SMAD9: variants seen among roughly 807,000 people sequenced by gnomAD.
The protein encoded by SMAD9 is MAD homolog 9.
Under a neutral mutation model 46.1 loss-of-function variants are expected in SMAD9, and 36 were observed. The ratio of observed to expected loss-of-function variants is 0.78; its 90% CI spans 0.60 to 1.03. The LOEUF is 1.03. Among genes scored for constraint, SMAD9 ranks in the 50% least tolerant of loss-of-function variants. SMAD9 has a pLI of 0.00. For missense variants in SMAD9, 572 were observed against 599.8 expected, an observed-to-expected ratio of 0.95 and a Z score of 0.48; for synonymous variants, 245 against 237.1, an observed-to-expected ratio of 1.03 and a Z score of -0.31.
intron 1 of SMAD9, among the ~76,000 whole-genome samples, chr13:36,910,687 C>T (rs1396485037): frequency 1.3e-5 from 2 of 152,308 alleles, no homozygotes; most frequent in East Asian, 3.9e-4. Context: ...GCTCCTTCTT[C>T]AAAACAGAGC....
At chr13:36,901,741 A>G (rs1348778870) in intron 1 of SMAD9, among the ~76,000 whole-genome samples, 1 of 152,066 alleles carries the variant, frequency 6.6e-6, no homozygotes, top group Non-Finnish European at 1.5e-5. Flanking sequence ...TGTGGTTTTG[A>G]TTTGCATTTC....
rs372569783 is a variant in SMAD9, at chr13:36,879,718, C to A, written c.-29G>T. On this transcript the variant is annotated 5_prime_UTR_variant, in exon 2 of 7. Coordinates refer to ENST00000379826, the MANE Select transcript of SMAD9 (RefSeq NM_001127217.3). ...AGGCCACAGCAGGCTCCGGCGCGCACGGGAACCGCACAGCCCTTCACGGCA... is the reference window on the plus strand; with the variant it reads ...AGGCCACAGCAGGCTCCGGCGCGCAAGGGAACCGCACAGCCCTTCACGGCA... 6.2e-6 allele frequency: 10 copies of A among 1,612,188 alleles called. No individual in the cohort carries two copies. The Admixed American group carries it at 1.0e-4, about 16-fold the overall frequency.
At chr13:36,867,200 AGTTGCTTT>A (rs1443822101) in intron 4 of SMAD9, 65 bp downstream of exon 4, 8 of 1,008,322 alleles carry the variant, frequency 7.9e-6, no homozygotes, top group Admixed American at 4.0e-5. Flanking sequence ...TTCTTTTTTG[AGTTGCTTT>A]GTTTGGGGGT....
intron 1 of SMAD9, among the ~76,000 whole-genome samples, chr13:36,897,187 T>G (rs1463358868): frequency 2.6e-5 from 4 of 152,206 alleles, no homozygotes; most frequent in Non-Finnish European, 5.9e-5. Context: ...ACTTCTATAA[T>G]CAGGTTAAAT....
At chr13:36,867,172 G>T (rs1756824078) in intron 4 of SMAD9, 101 bp downstream of exon 4, 1 of 781,492 alleles carries the variant, frequency 1.3e-6, no homozygotes, top group African/African-American at 1.7e-5. Context: ...AAAACAGCAG[G>T]CCAGTACATT....
At chr13:36,917,639 G>A (rs560400662) in intron 1 of SMAD9, among the ~76,000 whole-genome samples, 2 of 152,292 alleles carry the variant, frequency 1.3e-5, no homozygotes, top group South Asian at 2.1e-4. Flanking sequence ...AGCATAGTAT[G>A]TCTGGCAAAT....
chr13:36,911,615 TG>T (rs11322701), intron 1 of SMAD9, among the ~76,000 whole-genome samples: 12,689 of 73,578 alleles, frequency 0.17, 1,523 homozygotes, highest in Middle Eastern at 0.24. Context: ...AAAGGCTGCC[TG>T]GGGGGGGGGG....
intron 5 of SMAD9, among the ~76,000 whole-genome samples, chr13:36,861,461 C>G (rs1048025928): frequency 2.0e-5 from 3 of 151,572 alleles, no homozygotes; most frequent in Admixed American, 6.6e-5. Context: ...ATTACAGGCA[C>G]CCGCCACCAC....
At chr13:36,853,761 A>C in intron 5 of SMAD9, 86 bp from the exon 6 acceptor site, 1 of 1,382,208 alleles carries the variant, frequency 7.2e-7, no homozygotes, top group Non-Finnish European at 1.0e-6. Flanking sequence ...AGGAGATGTG[A>C]CTCTCCCATC....
intron 1 of SMAD9, among the ~76,000 whole-genome samples, chr13:36,917,920 T>C (rs534119665): frequency 4.6e-5 from 7 of 152,352 alleles, no homozygotes; most frequent in East Asian, 1.9e-4. Flanking sequence ...CATATTGACA[T>C]TGAATATTTT....
In SMAD9 at chr13:36,865,585, C is replaced by T. The variant is rs1203767897; in HGVS notation, c.955G>A (p.Val319Ile). The part of the protein sequence containing the change: ...NRFCLGLLSN[V>I]NRNSTIENTR... ...TTTTCTATCGTTGAGTTTCTGTTTA[C>T]ATTAGAAAGAAGTCCAAGACAGAAT... The change falls in exon 5 of 7, where the codon GTA becomes ATA. Residue 319 changes from valine to isoleucine, a missense_variant. Physicochemically the swap from Val to Ile is conservative, Grantham distance 29 (BLOSUM62 3). Transcript: ENST00000379826. The T allele has an allele frequency of 1.2e-6, 2 of 1,613,992 alleles. No individual in the cohort carries two copies. Among genetic ancestry groups the T allele is most frequent in the Non-Finnish European group, 1.7e-6 (2 of 1,179,984 alleles).
chr13:36,910,486 T>C (rs965403853), intron 1 of SMAD9, among the ~76,000 whole-genome samples: 1 of 152,138 alleles, frequency 6.6e-6, no homozygotes, highest in Non-Finnish European at 1.5e-5. Context: ...CCATACATTT[T>C]ACACTTAAAA....
At chr13:36,884,418 G>A (rs1389590590) in intron 1 of SMAD9, among the ~76,000 whole-genome samples, 1 of 152,092 alleles carries the variant, frequency 6.6e-6, no homozygotes, top group African/African-American at 2.4e-5. Flanking sequence ...CTTTGGAAAG[G>A]ACACACTTCA....
chr13:36,888,286 G>A (rs112892856), intron 1 of SMAD9, among the ~76,000 whole-genome samples: 107 of 152,266 alleles, frequency 7.0e-4, no homozygotes, highest in Non-Finnish European at 1.4e-3. Context: ...GTTCTCATGA[G>A]ATCTGCTTGT....
At position 36,864,360 on chromosome 13, in the gene SMAD9, G is replaced by A. The variant is rs752945872; in HGVS notation, c.1003+1177C>T. 2.6e-5 allele frequency among the ~76,000 whole-genome samples: 4 copies of A among 152,084 alleles called. No individual in the cohort carries two copies. The South Asian group carries it at 8.3e-4, about 32-fold the overall frequency. The stretch of plus-strand genomic sequence containing the variant: ...CAGAGCAACTCCATCTTGAATAGGG[G>A]TTAGGTAAAATAAGGTTGAGACCTA... On this transcript the variant is annotated intron_variant, in intron 5 of 6. Coordinates refer to ENST00000379826, the MANE Select transcript of SMAD9 (RefSeq NM_001127217.3).
At chr13:36,920,786 C>G (rs976002134), upstream of SMAD9, 1 of 152,462 alleles carries the variant, frequency 6.6e-6, no homozygotes, top group East Asian at 1.9e-4. Flanking sequence ...CTCACTTGCC[C>G]TGTTTGTTCC....
Position 36,885,222 on chromosome 13 carries a change from G to C in SMAD9, c.-186-5347C>G, listed in dbSNP as rs369830348. On this transcript the variant is annotated intron_variant, in intron 1 of 6. Coordinates refer to ENST00000379826, the MANE Select transcript of SMAD9 (RefSeq NM_001127217.3). ...GGTAATTAATACAGCCATAATAAAT[G>C]CTTATTTTACTTTATAATAACTTAT... 5.3e-5 allele frequency among the ~76,000 whole-genome samples: 8 copies of C among 152,198 alleles called. No individual in the cohort carries two copies. In the East Asian group the frequency reaches 7.7e-4, roughly 15 times the overall value.
At chr13:36,868,043 C>T (rs2058252692) in intron 3 of SMAD9, among the ~76,000 whole-genome samples, 1 of 152,194 alleles carries the variant, frequency 6.6e-6, no homozygotes, top group African/African-American at 2.4e-5. Context: ...CTTCAGTATG[C>T]ATGTCTAATG....
At chr13:36,863,189 G>C (rs1193510741) in intron 5 of SMAD9, among the ~76,000 whole-genome samples, 2 of 152,202 alleles carry the variant, frequency 1.3e-5, no homozygotes, top group Non-Finnish European at 2.9e-5. Context: ...GCATCTGAGA[G>C]AGAATCCTGT....
Sources: allele counts gnomAD v4.1 joint callset (sites outside exome capture counted in the v4.1 genomes callset), GRCh38; gene constraint gnomAD v4.1.1; transcripts MANE v1.5; gene names NCBI Gene and HGNC (gene_info 2026-07-23, HGNC 2026-07-21).